Variants in PREX2 observed in about 807,000 individuals in gnomAD.
PREX2 encodes phosphatidylinositol-3,4,5-trisphosphate dependent Rac exchange factor 2.
PREX2 carries 107 observed loss-of-function variants against 203.2 expected under a neutral mutation model. The observed-to-expected ratio is 0.53, with a 90% CI of 0.45 to 0.62. The LOEUF is 0.62. Among genes scored for constraint, PREX2 ranks in the 20% least tolerant of loss-of-function variants. The pLI, the probability that PREX2 is intolerant of heterozygous loss-of-function variation, is 0.00. For synonymous variants in PREX2, 672 were observed against 663.6 expected, an observed-to-expected ratio of 1.01 and a Z score of -0.19; for missense variants, 1,777 against 1,955.9, an observed-to-expected ratio of 0.91 and a Z score of 1.72.
At chr8:68,208,928 A>C in intron 37 of PREX2, among the ~76,000 whole-genome samples, 1 of 151,992 alleles carries the variant, frequency 6.6e-6, no homozygotes, top group East Asian at 1.9e-4. Flanking sequence ...ATCTCCACAA[A>C]AAATTTAAAA....
At chr8:68,153,793 A>G (rs1003067122) in intron 34 of PREX2, among the ~76,000 whole-genome samples, 6 of 152,178 alleles carry the variant, frequency 3.9e-5, no homozygotes, top group African/African-American at 1.4e-4. Flanking sequence ...GTGACACAGA[A>G]TTCTTACTAA....
At chr8:68,040,209 TACAG>T (rs1225945370) in intron 7 of PREX2, among the ~76,000 whole-genome samples, 4 of 152,220 alleles carry the variant, frequency 2.6e-5, no homozygotes, top group Middle Eastern at 3.4e-3. Context: ...TGTTTTTCAG[TACAG>T]ACAAGGTCTC....
intron 18 of PREX2, among the ~76,000 whole-genome samples, chr8:68,083,857 A>G (rs1180112916): frequency 6.6e-6 from 1 of 152,216 alleles, no homozygotes; most frequent in Non-Finnish European, 1.5e-5. Flanking sequence ...ATTTCTTTAA[A>G]AAATTCTATT....
chr8:68,131,734 G>C (rs181045583), intron 31 of PREX2, among the ~76,000 whole-genome samples: 2 of 152,152 alleles, frequency 1.3e-5, no homozygotes, highest in East Asian at 1.9e-4. Context: ...AAAGAAACTT[G>C]GAAATAATTA....
At chr8:67,981,703 C>T (rs983724185) in intron 1 of PREX2, among the ~76,000 whole-genome samples, 23 of 152,318 alleles carry the variant, frequency 1.5e-4, no homozygotes, top group African/African-American at 5.3e-4. Flanking sequence ...CACTAGAAGA[C>T]ATCTGAGTGT....
chr8:67,982,313 T>C (rs898057790), intron 1 of PREX2, among the ~76,000 whole-genome samples: 3 of 152,022 alleles, frequency 2.0e-5, no homozygotes, highest in African/African-American at 7.2e-5. Context: ...TCCCAGCTAC[T>C]TGGGATGCTG....
At chr8:68,225,294 A>G (rs1296091121) in intron 39 of PREX2, among the ~76,000 whole-genome samples, 1 of 152,162 alleles carries the variant, frequency 6.6e-6, no homozygotes, top group Admixed American at 6.5e-5. Flanking sequence ...TGTTATCTCA[A>G]ATATTTACAG....
rs528855650 is a variant in PREX2, at chr8:68,026,681, G to A, written c.442-541G>A. 8.9e-4 allele frequency among the ~76,000 whole-genome samples: 124 copies of A among 138,700 alleles called. 1 individual carries two copies. Among genetic ancestry groups the A allele is most frequent in the Middle Eastern group, 7.1e-3 (2 of 282 alleles). The allele number at this position is 138,700 out of a possible 152,430, so 91.0% of individuals were successfully genotyped here. A position where few individuals can be genotyped will look rare whatever the true frequency, so the allele number is the denominator to read the frequency against. On this transcript the variant is annotated intron_variant, in intron 4 of 39. Coordinates refer to ENST00000288368, the MANE Select transcript of PREX2 (RefSeq NM_024870.4). ...CTCTGACACTGGCTTTCCAGTGTCT[G>A]GTGCAGTGTGATAGCAAAAAAGCGA...
At chr8:68,077,536 C>A in intron 15 of PREX2, 67 bp downstream of exon 15, 1 of 1,141,230 alleles carries the variant, frequency 8.8e-7, no homozygotes, top group Non-Finnish European at 1.3e-6. Flanking sequence ...GATACTGCAA[C>A]ACCCAGTGCT....
chr8:67,957,868 T>C (rs1805532250), intron 1 of PREX2, among the ~76,000 whole-genome samples: 1 of 152,202 alleles, frequency 6.6e-6, no homozygotes, highest in African/African-American at 2.4e-5. Context: ...TATTTGTAGA[T>C]AGGGCCTTTA....
In PREX2 at chr8:68,090,730, A is replaced by C. The variant is rs12544121; in HGVS notation, c.2250+15A>C. 8.1e-6 allele frequency: 13 copies of C among 1,609,596 alleles called. No individual in the cohort carries two copies. The highest frequency in any genetic ancestry group is 1.0e-5 in the Non-Finnish European group (12 of 1,176,836). On this transcript the variant is annotated intron_variant, in intron 20 of 39. Coordinates refer to ENST00000288368, the MANE Select transcript of PREX2 (RefSeq NM_024870.4). ...GGCCAACGAAGGTAAGTGGCCCTTC[A>C]GATAATCTGGATCTGAGTGACTACT...
intron 1 of PREX2, among the ~76,000 whole-genome samples, chr8:67,965,526 T>TAC (rs1197385377): frequency 6.6e-6 from 1 of 151,870 alleles, no homozygotes; most frequent in Admixed American, 6.6e-5. Context: ...TATATATATA[T>TAC]ATGTGTATAT....
intron 1 of PREX2, among the ~76,000 whole-genome samples, chr8:67,984,616 C>A (rs1339892497): frequency 2.0e-5 from 3 of 152,120 alleles, no homozygotes; most frequent in Admixed American, 6.5e-5. Context: ...GAAATGCAAG[C>A]CAGGACTTGT....
At chr8:67,973,074 T>C (rs1805970768) in intron 1 of PREX2, among the ~76,000 whole-genome samples, 1 of 152,148 alleles carries the variant, frequency 6.6e-6, no homozygotes, top group South Asian at 2.1e-4. Context: ...CTCAATGCCG[T>C]GTTGATTTCT....
At chr8:67,979,185 G>C (rs1204355235) in intron 1 of PREX2, among the ~76,000 whole-genome samples, 1 of 152,168 alleles carries the variant, frequency 6.6e-6, no homozygotes, top group Non-Finnish European at 1.5e-5. Flanking sequence ...TTAAGCTTCA[G>C]TGAATCACTT....
intron 4 of PREX2, among the ~76,000 whole-genome samples, chr8:68,023,487 G>T (rs1444863605): frequency 6.6e-6 from 1 of 152,038 alleles, no homozygotes; most frequent in Non-Finnish European, 1.5e-5. Flanking sequence ...ATTGTATATT[G>T]AGCTGTAAAT....
chr8:68,015,235 GA>G (rs1272933107), intron 1 of PREX2, among the ~76,000 whole-genome samples: 2 of 152,132 alleles, frequency 1.3e-5, no homozygotes, highest in Non-Finnish European at 2.9e-5. Flanking sequence ...CTAGCTTTAG[GA>G]AGGAAGATTT....
intron 1 of PREX2, among the ~76,000 whole-genome samples, chr8:67,989,424 AAAT>A (rs1250513057): frequency 6.6e-6 from 1 of 152,220 alleles, no homozygotes; most frequent in East Asian, 1.9e-4. Flanking sequence ...TTAGGTTACT[AAAT>A]AATAATACCA....
chr8:68,202,098 C>CT lies in PREX2; in HGVS notation c.4604+9573_4604+9574insT, dbSNP rs555410340. Among the ~76,000 whole-genome samples the CT allele has an allele frequency of 1.8e-3, 274 of 152,060 alleles. 1 individual carries two copies. Among genetic ancestry groups the CT allele is most frequent in the African/African-American group, 5.4e-3 (224 of 41,478 alleles). On this transcript the variant is annotated intron_variant, in intron 37 of 39. Transcript: ENST00000288368. Reference sequence around the variant, plus strand: ...TGTATTTTTCGTAGAGACAGGGTTTCACCATCGTGGCCAGACGGGTCTTGA... The same window carrying CT: ...TGTATTTTTCGTAGAGACAGGGTTTCTACCATCGTGGCCAGACGGGTCTTGA...
Sources: allele counts gnomAD v4.1 joint callset (sites outside exome capture counted in the v4.1 genomes callset), GRCh38; gene constraint gnomAD v4.1.1; transcripts MANE v1.5; gene names NCBI Gene and HGNC (gene_info 2026-07-23, HGNC 2026-07-21).